The following EPB41 variants were observed in gnomAD, a reference collection of about 807,000 sequenced individuals.
EPB41 encodes erythrocyte membrane protein band 4.1.
EPB41 carries 65 observed loss-of-function variants against 108.0 expected under a neutral mutation model. That is an observed-to-expected ratio of 0.60 (90% CI 0.49 to 0.74). EPB41 has a LOEUF of 0.74. Ranked by LOEUF, EPB41 falls within the 30% of genes least tolerant of loss-of-function variation. The pLI, the probability that EPB41 is intolerant of heterozygous loss-of-function variation, is 0.00. For synonymous variants in EPB41, 336 were observed against 358.9 expected (o/e 0.94, Z 0.72); for missense variants, 875 against 1,037.0 (o/e 0.84, Z 2.15).
At chr1:29,044,074 T>C (rs570052193) in intron 11 of EPB41, among the ~76,000 whole-genome samples, 9 of 152,358 alleles carry the variant, frequency 5.9e-5, no homozygotes, top group Admixed American at 1.3e-4. Context: ...AATCATTTAA[T>C]CTTCATGTCT....
intron 1 of EPB41, chr1:28,982,566 A>G (rs2095782618): frequency 1.0e-5 from 15 of 1,499,226 alleles, no homozygotes; most frequent in African/African-American, 1.4e-5. Flanking sequence ...AGTAGCGTCC[A>G]GCCAGGACAA....
intron 1 of EPB41, among the ~76,000 whole-genome samples, chr1:28,929,527 GC>G (rs2093625236): frequency 6.6e-6 from 1 of 150,924 alleles, no homozygotes; most frequent in African/African-American, 2.4e-5. Context: ...ACTGCGCCCG[GC>G]CAATTTTTAC....
intron 1 of EPB41, among the ~76,000 whole-genome samples, chr1:28,907,009 G>C (rs1485103564): frequency 1.3e-5 from 2 of 151,182 alleles, no homozygotes; most frequent in Admixed American, 1.3e-4. Flanking sequence ...CTGACCTCAT[G>C]ATCTGCCTGC....
Position 29,115,269 on chromosome 1 carries a change from C to T in EPB41, c.2497-430C>T, listed in dbSNP as rs1441322590. On this transcript the variant is annotated intron_variant, in intron 19 of 20. Coordinates refer to ENST00000343067, the MANE Select transcript of EPB41 (RefSeq NM_001376013.1). This position sits in a 1 kb window ranked among gnomAD's most constrained non-coding sequence, Gnocchi z 4.4. Reference sequence around the variant, plus strand: ...TTAGCTGGGCGTAGTGGTACACACCCGTAATCCCAGCTACTCAGGAGGCTG... The same window carrying T: ...TTAGCTGGGCGTAGTGGTACACACCTGTAATCCCAGCTACTCAGGAGGCTG... Among the ~76,000 whole-genome samples, 2 of 151,998 alleles carry T rather than the reference C, an allele frequency of 1.3e-5. No individual in the cohort carries two copies. The highest frequency in any genetic ancestry group is 4.8e-5 in the African/African-American group (2 of 41,374).
intron 1 of EPB41, among the ~76,000 whole-genome samples, chr1:28,903,991 C>T (rs1004046318): frequency 1.3e-5 from 2 of 151,852 alleles, no homozygotes; most frequent in African/African-American, 2.4e-5. Flanking sequence ...CTCAGCCTCC[C>T]GAGTAGCTGG....
At chr1:28,934,648 C>T (rs1301849939) in intron 1 of EPB41, among the ~76,000 whole-genome samples, 1 of 120,162 alleles carries the variant, frequency 8.3e-6, no homozygotes, top group Non-Finnish European at 1.6e-5. Context: ...TTTTGGTTGG[C>T]CTCTGGTTCT....
rs563246761 is a variant in EPB41, at chr1:29,033,082, T to A, written c.1213-11T>A. The A allele has an allele frequency of 6.2e-7, 1 of 1,613,712 alleles. No homozygotes were observed. The highest frequency in any genetic ancestry group is 1.3e-5 in the African/African-American group (1 of 75,044). On this transcript the variant is annotated splice_polypyrimidine_tract_variant and intron_variant, in intron 8 of 20. Transcript: ENST00000343067. ...GCTCCAGACTGAAATCCTAACATTTTTCTTTTTCAGGACTTGGAAGGAGTA... is the reference window on the plus strand; with the variant it reads ...GCTCCAGACTGAAATCCTAACATTTATCTTTTTCAGGACTTGGAAGGAGTA...
chr1:29,075,405 G>A (rs952240757), intron 16 of EPB41, among the ~76,000 whole-genome samples: 2 of 152,012 alleles, frequency 1.3e-5, no homozygotes, highest in African/African-American at 2.4e-5. Context: ...TTGAACCCAG[G>A]AGGTGGAGGT....
At position 29,115,844 on chromosome 1, in the gene EPB41, C is replaced by G; in HGVS notation, c.*6+41C>G. 1.3e-6 allele frequency: 2 copies of G among 1,512,464 alleles called. No individual in the cohort carries two copies. Among genetic ancestry groups the G allele is most frequent in the Non-Finnish European group, 9.2e-7 (1 of 1,088,560 alleles). 93.7% of individuals were successfully genotyped at this position (1,512,464 alleles called of 1,614,324 possible). ...GCTGGGGCTGAGGGTGCCCACAGTC[C>G]CAGCCTGAGAGGGCTCTGGATGGGA... On this transcript the variant is annotated intron_variant, in intron 20 of 20. Transcript: ENST00000343067. This position sits in a 1 kb window ranked among gnomAD's most constrained non-coding sequence, Gnocchi z 4.4.
chr1:29,074,308 A>G (rs916657610), intron 16 of EPB41, among the ~76,000 whole-genome samples: 6 of 152,196 alleles, frequency 3.9e-5, no homozygotes, highest in Admixed American at 2.0e-4. Flanking sequence ...GAAAAAGACT[A>G]TTATATTGTT....
Position 28,982,354 on chromosome 1 carries a change from C to T in EPB41, c.-7-5077C>T, listed in dbSNP as rs954988752. 9.5e-5 allele frequency: 65 copies of T among 682,558 alleles called. No individual in the cohort carries two copies. In the African/African-American group the frequency reaches 9.6e-4, roughly 10 times the overall value. 42.3% of individuals were successfully genotyped at this position (682,558 alleles called of 1,614,324 possible). ...CTTTTCAAACTTGACCTTGGCCTCTCGTCGGGCTTTGGGCATTAGGTGATT... is the reference window on the plus strand; with the variant it reads ...CTTTTCAAACTTGACCTTGGCCTCTTGTCGGGCTTTGGGCATTAGGTGATT... On this transcript the variant is annotated intron_variant, in intron 1 of 20. Coordinates refer to ENST00000343067, the MANE Select transcript of EPB41 (RefSeq NM_001376013.1).
At chr1:29,011,393 TGAA>T (rs2096498518) in intron 4 of EPB41, among the ~76,000 whole-genome samples, 1 of 151,290 alleles carries the variant, frequency 6.6e-6, no homozygotes, top group African/African-American at 2.4e-5. Flanking sequence ...AGAAAAAACT[TGAA>T]GGAGACTAAA....
chr1:29,033,837 G>GT (rs1638365725), intron 9 of EPB41, among the ~76,000 whole-genome samples: 1 of 152,146 alleles, frequency 6.6e-6, no homozygotes, highest in African/African-American at 2.4e-5. Flanking sequence ...AGGAATTAAA[G>GT]TTTTTTAAAA....
chr1:29,010,395 G>A (rs539779884), intron 4 of EPB41, among the ~76,000 whole-genome samples: 5 of 152,106 alleles, frequency 3.3e-5, no homozygotes, highest in Non-Finnish European at 5.9e-5. Flanking sequence ...ACAAGGGAAG[G>A]GGAGGGATTA....
chr1:28,894,907 C>A (rs912897991), intron 1 of EPB41, among the ~76,000 whole-genome samples: 9 of 152,084 alleles, frequency 5.9e-5, no homozygotes, highest in African/African-American at 1.9e-4. Context: ...AACTGCTCAC[C>A]CAGCTGGGAC....
chr1:28,887,161 G>C (rs1379819144), upstream of EPB41: 7 of 1,132,650 alleles, frequency 6.2e-6, no homozygotes, highest in African/African-American at 1.6e-5. This position sits in a 1 kb window ranked among gnomAD's most constrained non-coding sequence, Gnocchi z 4.9. Flanking sequence ...GGGCGAGAGC[G>C]GCGCGGAGCC....
At chr1:28,975,958 A>AAAAAG (rs2095598345) in intron 1 of EPB41, among the ~76,000 whole-genome samples, 3 of 140,100 alleles carry the variant, frequency 2.1e-5, no homozygotes, top group South Asian at 5.0e-4. Flanking sequence ...AAAAAAAAAA[A>AAAAAG]AAAGAAAGAA....
At chr1:29,096,580 C>A in intron 16 of EPB41, 1 of 985,608 alleles carries the variant, frequency 1.0e-6, no homozygotes, top group Non-Finnish European at 1.2e-6. Context: ...GTAACCAGTT[C>A]CCCACCCTCA....
At chr1:28,888,689 G>A (rs1348633218) in intron 1 of EPB41, among the ~76,000 whole-genome samples, 1 of 152,120 alleles carries the variant, frequency 6.6e-6, no homozygotes, top group Non-Finnish European at 1.5e-5. Context: ...GTGCAGTGTC[G>A]CGATCTCGGC....
Sources: gnomAD v4.1 joint callset for allele counts (sites outside exome capture counted in the v4.1 genomes callset) on GRCh38, gnomAD v4.1.1 for gene constraint, Gnocchi (gnomAD v3.1) non-coding constraint, MANE v1.5 for transcripts, NCBI Gene and HGNC (gene_info 2026-07-23, HGNC 2026-07-21) for gene names.